ADGRB3: variants seen among roughly 807,000 people sequenced by gnomAD.
ADGRB3 encodes brain-specific angiogenesis inhibitor 3.
In ADGRB3, 37 loss-of-function variants were observed where a neutral mutation model predicts 193.4. The observed-to-expected ratio is 0.19, with a 90% CI of 0.15 to 0.25. The LOEUF (loss-of-function observed/expected upper bound fraction) is 0.25. ADGRB3 is among the 10% of genes least tolerant of loss of function. The pLI, the probability that ADGRB3 is intolerant of heterozygous loss-of-function variation, is 1.00. For synonymous variants in ADGRB3, 690 were observed against 644.2 expected (o/e 1.07, Z -1.08); for missense variants, 1,637 against 1,852.9 (o/e 0.88, Z 2.14).
intron 17 of ADGRB3, among the ~76,000 whole-genome samples, chr6:69,128,991 T>C (rs1773929556): frequency 6.6e-6 from 1 of 152,208 alleles, no homozygotes; most frequent in African/African-American, 2.4e-5. Flanking sequence ...CCTTTCCCCA[T>C]GTGGTACGCA....
At chr6:69,130,657 C>T (rs1298337096) in intron 17 of ADGRB3, among the ~76,000 whole-genome samples, 3 of 151,274 alleles carry the variant, frequency 2.0e-5, no homozygotes, top group African/African-American at 7.3e-5. Flanking sequence ...TTTAACTACA[C>T]TGGTTTTAGT....
Position 69,235,044 on chromosome 6 carries a change from T to A in ADGRB3, c.2620T>A (p.Ser874Thr). 1 of 1,611,722 alleles carries A rather than the reference T, an allele frequency of 6.2e-7. No individual in the cohort carries two copies. Among genetic ancestry groups the A allele is most frequent in the Non-Finnish European group, 8.5e-7 (1 of 1,178,266 alleles). Reference protein sequence around the residue: ...QQPREIIMESSGTPSVTLIVG... With the variant: ...QQPREIIMESTGTPSVTLIVG... ...GTTTAATTCACAGATCATGGAATCCTCTGGCACACCTTCAGTTACCCTAAT... is the reference window on the plus strand; with the variant it reads ...GTTTAATTCACAGATCATGGAATCCACTGGCACACCTTCAGTTACCCTAAT... The change falls in exon 19 of 32, where the codon TCT becomes ACT. Residue 874 changes from serine to threonine, a missense_variant. This residue lies in a region of ADGRB3 where 641 missense variants were observed against 673.9 expected (regional missense o/e 0.95). Coordinates refer to ENST00000370598, the MANE Select transcript of ADGRB3 (RefSeq NM_001704.3).
chr6:69,290,140 G>A (rs1406041349), intron 20 of ADGRB3, among the ~76,000 whole-genome samples: 2 of 152,016 alleles, frequency 1.3e-5, no homozygotes, highest in Admixed American at 1.3e-4. Context: ...GTGGTGGGGA[G>A]GGTTTGAGTC....
intron 20 of ADGRB3, among the ~76,000 whole-genome samples, chr6:69,268,313 ATG>A (rs1767092360): frequency 6.6e-6 from 1 of 152,174 alleles, no homozygotes; most frequent in Non-Finnish European, 1.5e-5. Flanking sequence ...AGAAATGACT[ATG>A]TGTTATTTTC....
intron 3 of ADGRB3, among the ~76,000 whole-genome samples, chr6:68,870,581 G>A (rs1765428222): frequency 6.6e-6 from 1 of 152,116 alleles, no homozygotes; most frequent in African/African-American, 2.4e-5. Flanking sequence ...TTTCACAGGT[G>A]AAAACATTGA....
chr6:68,951,282 G>A (rs1449603289), intron 6 of ADGRB3, among the ~76,000 whole-genome samples: 1 of 152,158 alleles, frequency 6.6e-6, no homozygotes, highest in Non-Finnish European at 1.5e-5. Context: ...GGAGGTCAGG[G>A]AGGCTTTGGG....
chr6:69,270,529 C>A (rs1767150507), intron 20 of ADGRB3, among the ~76,000 whole-genome samples: 1 of 152,030 alleles, frequency 6.6e-6, no homozygotes, highest in Admixed American at 6.6e-5. Flanking sequence ...TTGAAAGAAT[C>A]TATAAAAATA....
Position 69,214,897 on chromosome 6 carries a change from G to A in ADGRB3, c.2481-18393G>A, listed in dbSNP as rs551790469. 2.1e-4 allele frequency among the ~76,000 whole-genome samples: 32 copies of A among 151,972 alleles called. No homozygotes were observed. The South Asian group carries it at 5.6e-3, about 27-fold the overall frequency. On this transcript the variant is annotated intron_variant, in intron 17 of 31. Transcript: ENST00000370598. The stretch of plus-strand genomic sequence containing the variant: ...AAATTGAAAAAGTAGGGAAACCTGG[G>A]ATCAGAGCTAACATCATCTAGTGAG...
chr6:69,218,786 T>C (rs1157124479), intron 17 of ADGRB3, among the ~76,000 whole-genome samples: 1 of 152,170 alleles, frequency 6.6e-6, no homozygotes, highest in African/African-American at 2.4e-5. Flanking sequence ...TGAGAATTTA[T>C]GGGGTCATAC....
intron 15 of ADGRB3, among the ~76,000 whole-genome samples, chr6:69,061,983 A>G (rs944338059): frequency 1.3e-5 from 2 of 152,034 alleles, no homozygotes; most frequent in South Asian, 2.1e-4. Context: ...AAAAAACAAA[A>G]AAGGAGAAAA....
chr6:68,898,444 T>C (rs149413181), intron 3 of ADGRB3, among the ~76,000 whole-genome samples: 9 of 152,248 alleles, frequency 5.9e-5, no homozygotes, highest in Admixed American at 5.9e-4. Context: ...CCAGAAATAA[T>C]GTTTCGCCAA....
At chr6:69,356,487 G>C (rs1441746510) in intron 28 of ADGRB3, among the ~76,000 whole-genome samples, 1 of 151,962 alleles carries the variant, frequency 6.6e-6, no homozygotes, top group Non-Finnish European at 1.5e-5. Flanking sequence ...GTTTGTGGAG[G>C]AAGAAGGAGA....
chr6:68,909,527 G>A (rs1746541116), intron 3 of ADGRB3, among the ~76,000 whole-genome samples: 1 of 152,106 alleles, frequency 6.6e-6, no homozygotes, highest in Admixed American at 6.5e-5. Flanking sequence ...CTTCTACTAA[G>A]GCATAGTGGC....
intron 6 of ADGRB3, among the ~76,000 whole-genome samples, chr6:68,950,910 C>G (rs1236964834): frequency 2.6e-5 from 4 of 152,140 alleles, no homozygotes; most frequent in African/African-American, 9.7e-5. Context: ...TCTATCTTAT[C>G]ACTTCTTTTC....
chr6:68,980,478 T>C (rs1295650621), intron 10 of ADGRB3, among the ~76,000 whole-genome samples: 1 of 151,518 alleles, frequency 6.6e-6, no homozygotes, highest in African/African-American at 2.4e-5. Context: ...TCCTCACATA[T>C]CACACTTTTT....
intron 3 of ADGRB3, among the ~76,000 whole-genome samples, chr6:68,653,506 G>A (rs1206015097): frequency 6.6e-6 from 1 of 151,972 alleles, no homozygotes. Context: ...GTACTCTGAG[G>A]TAGCTGCATA....
At chr6:69,074,673 T>G (rs1396111883) in intron 16 of ADGRB3, among the ~76,000 whole-genome samples, 1 of 151,232 alleles carries the variant, frequency 6.6e-6, no homozygotes, top group Non-Finnish European at 1.5e-5. Flanking sequence ...GCCTCCAGAG[T>G]AGCTGGGACT....
At chr6:68,681,309 C>T (rs1764890465) in intron 3 of ADGRB3, among the ~76,000 whole-genome samples, 2 of 152,078 alleles carry the variant, frequency 1.3e-5, no homozygotes, top group Admixed American at 6.5e-5. Flanking sequence ...CAAACTATAT[C>T]ATGCCACTTT....
chr6:68,768,630 G>T (rs928590517), intron 3 of ADGRB3, among the ~76,000 whole-genome samples: 16 of 152,070 alleles, frequency 1.1e-4, no homozygotes, highest in African/African-American at 3.9e-4. Flanking sequence ...CATAGGCATG[G>T]GCAAAGGCTT....
Sources: allele counts gnomAD v4.1 joint callset (sites outside exome capture counted in the v4.1 genomes callset), GRCh38; gene constraint gnomAD v4.1.1; regional missense constraint gnomAD v4.1.1; transcripts MANE v1.5; gene names NCBI Gene and HGNC (gene_info 2026-07-23, HGNC 2026-07-21).